The following GRM5 variants were observed in gnomAD, a reference collection of about 807,000 sequenced individuals.
The protein encoded by GRM5 is glutamate metabotropic receptor 5.
A neutral mutation model predicts 83.1 loss-of-function variants in GRM5; 19 were observed. That is an observed-to-expected ratio of 0.23 (90% CI 0.16 to 0.34). GRM5 has a LOEUF of 0.34. Ranked by LOEUF, GRM5 falls within the 10% of genes least tolerant of loss-of-function variation. The pLI, the probability that GRM5 is intolerant of heterozygous loss-of-function variation, is 1.00. For synonymous variants in GRM5, 675 were observed against 633.6 expected, an observed-to-expected ratio of 1.07 and a Z score of -0.98; for missense variants, 1,160 against 1,588.3, an observed-to-expected ratio of 0.73 and a Z score of 4.58.
At chr11:89,058,849 A>G (rs1003488285) in intron 1 of GRM5, among the ~76,000 whole-genome samples, 1 of 152,216 alleles carries the variant, frequency 6.6e-6, no homozygotes, top group Non-Finnish European at 1.5e-5. Flanking sequence ...AGTTTATTAT[A>G]ATTTTAACAA....
intron 8 of GRM5, 78 bp downstream of exon 8, chr11:88,566,975 A>G (rs1227841608): frequency 1.1e-6 from 1 of 932,710 alleles, no homozygotes; most frequent in Non-Finnish European, 1.6e-6. Context: ...GATTTCTCCC[A>G]TTTAAAAGAC....
intron 2 of GRM5, among the ~76,000 whole-genome samples, chr11:88,940,715 G>T (rs988316075): frequency 2.0e-5 from 3 of 151,516 alleles, no homozygotes; most frequent in African/African-American, 7.3e-5. Context: ...AAAAAATATT[G>T]AACTTTGATT....
chr11:88,925,356 TC>T (rs1336163668), intron 2 of GRM5, among the ~76,000 whole-genome samples: 4 of 152,048 alleles, frequency 2.6e-5, no homozygotes, highest in Non-Finnish European at 5.9e-5. Context: ...GAAACTAGCT[TC>T]ATCTCCCAAA....
At chr11:88,730,982 C>T (rs910988950) in intron 3 of GRM5, among the ~76,000 whole-genome samples, 4 of 150,724 alleles carry the variant, frequency 2.7e-5, no homozygotes, top group African/African-American at 7.3e-5. Context: ...CAAACCTGCA[C>T]GTTCTACACA....
At chr11:88,930,749 A>G (rs1243499941) in intron 2 of GRM5, among the ~76,000 whole-genome samples, 1 of 152,188 alleles carries the variant, frequency 6.6e-6, no homozygotes, top group East Asian at 1.9e-4. Flanking sequence ...GGGTTTCACT[A>G]TGTTGGCCAG....
chr11:88,892,130 TTG>T (rs918327776), intron 2 of GRM5, among the ~76,000 whole-genome samples: 2 of 150,158 alleles, frequency 1.3e-5, no homozygotes, highest in African/African-American at 4.9e-5. Flanking sequence ...GGCAATATAG[TTG>T]TTTGCATCAG....
chr11:88,986,087 C>A (rs1591021382), intron 2 of GRM5, among the ~76,000 whole-genome samples: 5 of 152,080 alleles, frequency 3.3e-5, no homozygotes, highest in Admixed American at 3.3e-4. Flanking sequence ...TTATGGCAGG[C>A]TTATTACAGA....
chr11:88,996,010 A>G (rs1940176032), intron 2 of GRM5, among the ~76,000 whole-genome samples: 1 of 152,160 alleles, frequency 6.6e-6, no homozygotes, highest in Admixed American at 6.5e-5. Flanking sequence ...AAGAAAAAAA[A>G]AAGAAAAACC....
At chr11:88,957,476 A>T (rs1380516015) in intron 2 of GRM5, among the ~76,000 whole-genome samples, 1 of 152,202 alleles carries the variant, frequency 6.6e-6, no homozygotes, top group Non-Finnish European at 1.5e-5. Context: ...AGATGACAAG[A>T]TCTTGAACTT....
chr11:88,737,189 C>CTTCTT (rs1252307919), intron 3 of GRM5, among the ~76,000 whole-genome samples: 1 of 152,042 alleles, frequency 6.6e-6, no homozygotes, highest in Non-Finnish European at 1.5e-5. Context: ...TAAGTTACTG[C>CTTCTT]TTCTTATGCT....
chr11:88,616,418 A>T (rs928353277), intron 4 of GRM5, among the ~76,000 whole-genome samples: 1 of 141,186 alleles, frequency 7.1e-6, no homozygotes, highest in Non-Finnish European at 1.5e-5. Flanking sequence ...TTTTTTTACC[A>T]GAGAAACATT....
intron 2 of GRM5, among the ~76,000 whole-genome samples, chr11:88,994,610 GAA>G (rs58691405): frequency 4.2e-3 from 379 of 89,874 alleles, no homozygotes; most frequent in South Asian, 0.016. Context: ...AAGCATTACA[GAA>G]AAAAAAAAAA....
intron 2 of GRM5, among the ~76,000 whole-genome samples, chr11:88,916,226 C>A (rs1182544305): frequency 1.3e-5 from 2 of 152,116 alleles, no homozygotes; most frequent in Non-Finnish European, 2.9e-5. Context: ...CAGTGTATGC[C>A]TTTAACCTCA....
chr11:88,843,876 C>T (rs778516722), intron 3 of GRM5, among the ~76,000 whole-genome samples: 95 of 152,170 alleles, frequency 6.2e-4, no homozygotes, highest in Non-Finnish European at 9.6e-4. Context: ...AGAGCAAGAT[C>T]TTAACTCTCT....
At chr11:88,727,967 C>T (rs1941720206) in intron 3 of GRM5, among the ~76,000 whole-genome samples, 1 of 151,884 alleles carries the variant, frequency 6.6e-6, no homozygotes, top group Non-Finnish European at 1.5e-5. Context: ...ATTAAAAGAA[C>T]TAGAAAAGGA....
At chr11:88,636,530 A>T (rs1939127676) in intron 4 of GRM5, among the ~76,000 whole-genome samples, 1 of 152,176 alleles carries the variant, frequency 6.6e-6, no homozygotes, top group Admixed American at 6.6e-5. Context: ...TCTCAAAAAA[A>T]AAAAGAGTTT....
chr11:88,535,479 A>C (rs945838508), intron 8 of GRM5, among the ~76,000 whole-genome samples: 1 of 152,232 alleles, frequency 6.6e-6, no homozygotes, highest in Non-Finnish European at 1.5e-5. Context: ...CCAGTGATTC[A>C]GTGGTAGACT....
chr11:89,012,814 A>G (rs1428050329), intron 2 of GRM5, among the ~76,000 whole-genome samples: 1 of 152,198 alleles, frequency 6.6e-6, no homozygotes, highest in East Asian at 1.9e-4. Context: ...CTAAAGAACA[A>G]TGTGAAGGAA....
chr11:88,564,987 G>A (rs530921261), intron 8 of GRM5, among the ~76,000 whole-genome samples: 2 of 152,206 alleles, frequency 1.3e-5, no homozygotes, highest in East Asian at 3.9e-4. Flanking sequence ...AGTAAAAGAA[G>A]ACTGACAATG....
Sources: allele counts gnomAD v4.1 joint callset (sites outside exome capture counted in the v4.1 genomes callset), GRCh38; gene constraint gnomAD v4.1.1; transcripts MANE v1.5; gene names NCBI Gene and HGNC (gene_info 2026-07-23, HGNC 2026-07-21).